Variants in TSNARE1 observed in about 807,000 individuals in gnomAD.
TSNARE1 encodes t-SNARE domain-containing protein 1.
A neutral mutation model predicts 62.0 loss-of-function variants in TSNARE1; 49 were observed. That is an observed-to-expected ratio of 0.79 (90% CI 0.63 to 1.00). The LOEUF is 1.00. TSNARE1 is among the 50% of genes least tolerant of loss of function. The probability of loss-of-function intolerance (pLI) is 0.00; values close to 1 mark genes in which losing one functional copy is unlikely to be tolerated. For synonymous variants in TSNARE1, 328 were observed against 294.4 expected (o/e 1.11, Z -1.17); for missense variants, 755 against 700.1 (o/e 1.08, Z -0.88).
At chr8:142,396,605 C>A (rs1837912425) in intron 1 of TSNARE1, among the ~76,000 whole-genome samples, 1 of 152,194 alleles carries the variant, frequency 6.6e-6, no homozygotes, top group African/African-American at 2.4e-5. Flanking sequence ...CCAGCCTGGT[C>A]CCCCTGGAGA....
At chr8:142,299,753 C>T (rs778489347) in intron 10 of TSNARE1, among the ~76,000 whole-genome samples, 4 of 152,204 alleles carry the variant, frequency 2.6e-5, no homozygotes, top group Non-Finnish European at 5.9e-5. Flanking sequence ...CACACACATG[C>T]ATACGTGCAT....
chr8:142,313,074 CTGTGTT>C (rs1392848183), intron 9 of TSNARE1, among the ~76,000 whole-genome samples: 1 of 151,826 alleles, frequency 6.6e-6, no homozygotes, highest in Non-Finnish European at 1.5e-5. Context: ...GTCTGTGTGT[CTGTGTT>C]TATCTGCATC....
chr8:142,314,875 C>T, intron 8 of TSNARE1, 128 bp downstream of exon 8: 1 of 872,240 alleles, frequency 1.1e-6, no homozygotes, highest in Admixed American at 2.1e-5. Context: ...AAGAACAACC[C>T]TCTTCTCTGC....
At chr8:142,367,881 G>A (rs1835667256) in intron 1 of TSNARE1, among the ~76,000 whole-genome samples, 1 of 152,162 alleles carries the variant, frequency 6.6e-6, no homozygotes, top group Non-Finnish European at 1.5e-5. Context: ...CACCTGCTTA[G>A]ACATTTGGAA....
intron 4 of TSNARE1, among the ~76,000 whole-genome samples, chr8:142,342,282 G>A (rs543807814): frequency 2.6e-4 from 40 of 152,382 alleles, no homozygotes; most frequent in Non-Finnish European, 5.3e-4. Context: ...CTGAGCAGGA[G>A]GCCTCAGCGC....
At chr8:142,255,755 C>CCACCAT (rs1818447462) in intron 12 of TSNARE1, among the ~76,000 whole-genome samples, 1 of 59,524 alleles carries the variant, frequency 1.7e-5, no homozygotes. Context: ...ACCATCACCA[C>CCACCAT]CACCATCACC....
chr8:142,247,934 T>A (rs2130252649), intron 12 of TSNARE1: 1 of 152,450 alleles, frequency 6.6e-6, no homozygotes, highest in South Asian at 2.1e-4. Context: ...GCATGGGGGA[T>A]ACTGGGATGG....
intron 12 of TSNARE1, 100 bp from the exon 13 acceptor site, chr8:142,229,679 G>C: frequency 9.9e-7 from 1 of 1,011,232 alleles, no homozygotes; most frequent in Non-Finnish European, 1.5e-6. Flanking sequence ...GCATGCAGGG[G>C]CTGAGTCCAC....
At chr8:142,381,081 A>C (rs1180898613) in intron 1 of TSNARE1, among the ~76,000 whole-genome samples, 1 of 152,242 alleles carries the variant, frequency 6.6e-6, no homozygotes, top group Non-Finnish European at 1.5e-5. Flanking sequence ...CTCAGCAGCC[A>C]ATCAGGGCCG....
intron 13 of TSNARE1, among the ~76,000 whole-genome samples, chr8:142,224,836 G>GAA (rs1816699125): frequency 6.6e-6 from 1 of 152,152 alleles, no homozygotes; most frequent in Non-Finnish European, 1.5e-5. Context: ...CAGTCTTGGT[G>GAA]GGTCTGGGCA....
At chr8:142,235,892 G>T (rs1473395127) in intron 12 of TSNARE1, among the ~76,000 whole-genome samples, 3 of 152,206 alleles carry the variant, frequency 2.0e-5, no homozygotes, top group African/African-American at 7.2e-5. Flanking sequence ...GGATGGACAA[G>T]TTGAGGAGCA....
rs1309049801 is a variant in TSNARE1, at chr8:142,271,131, C to T, written c.1446+3650G>A. ...TTCAAGATCATCCCTGAGAAGACCT[C>T]GAGCCCCGAGTGGGTGCCCTTGGGG... On this transcript the variant is annotated intron_variant, in intron 12 of 13. Transcript: ENST00000524325. The T allele has an allele frequency of 5.1e-6, 5 of 986,640 alleles. No individual in the cohort carries two copies. In the African/African-American group the frequency reaches 7.0e-5, roughly 14 times the overall value. The allele number at this position is 986,640 out of a possible 1,614,324, so 61.1% of individuals were successfully genotyped here.
intron 12 of TSNARE1, chr8:142,273,462 G>A (rs1819931399): frequency 1.4e-5 from 14 of 985,286 alleles, no homozygotes; most frequent in Admixed American, 6.1e-5. Flanking sequence ...TGGGCCAAGG[G>A]CTGAGGCCAA....
intron 3 of TSNARE1, 143 bp from the exon 4 acceptor site, chr8:142,344,615 G>C: frequency 1.1e-6 from 1 of 905,658 alleles, no homozygotes; most frequent in Non-Finnish European, 1.6e-6. Flanking sequence ...CCTCCCTGCT[G>C]GGTGTCCAGA....
At chr8:142,398,871 A>T (rs1838089600) in intron 1 of TSNARE1, among the ~76,000 whole-genome samples, 1 of 152,186 alleles carries the variant, frequency 6.6e-6, no homozygotes. Flanking sequence ...AGGACAAAAA[A>T]GGAAGGGCCC....
chr8:142,227,365 A>G (rs1222804332), intron 13 of TSNARE1, among the ~76,000 whole-genome samples: 3 of 99,906 alleles, frequency 3.0e-5, no homozygotes, highest in Admixed American at 1.8e-4. Context: ...AGCCCCAGTG[A>G]CAGCCAGGAC....
intron 1 of TSNARE1, among the ~76,000 whole-genome samples, chr8:142,395,085 A>AG (rs1407983015): frequency 6.6e-6 from 1 of 152,090 alleles, no homozygotes; most frequent in Non-Finnish European, 1.5e-5. Context: ...CTGGCAGGGA[A>AG]GGGGGGCGGC....
chr8:142,329,472 C>G (rs1377532304), intron 6 of TSNARE1, among the ~76,000 whole-genome samples: 1 of 152,218 alleles, frequency 6.6e-6, no homozygotes, highest in Non-Finnish European at 1.5e-5. Context: ...CGTGACCTAA[C>G]CCAGGAGTGG....
intron 11 of TSNARE1, chr8:142,276,381 G>A: frequency 1.0e-6 from 1 of 985,444 alleles, no homozygotes; most frequent in Non-Finnish European, 1.2e-6. Flanking sequence ...CCCCACAATT[G>A]CCACTCAGGA....
Sources: allele counts gnomAD v4.1 joint callset (sites outside exome capture counted in the v4.1 genomes callset), GRCh38; gene constraint gnomAD v4.1.1; transcripts MANE v1.5; gene names NCBI Gene and HGNC (gene_info 2026-07-23, HGNC 2026-07-21).